Variants in MSRA observed in about 807,000 individuals in gnomAD.
MSRA encodes mitochondrial peptide methionine sulfoxide reductase.
MSRA carries 54 observed loss-of-function variants against 31.3 expected under a neutral mutation model. The ratio of observed to expected loss-of-function variants is 1.73; its 90% CI spans 1.39 to 2.17. The LOEUF is 2.17. Ranked by LOEUF, MSRA falls within the 30% of genes most tolerant of loss-of-function variation. MSRA has a pLI of 0.00. For missense variants in MSRA, 507 were observed against 300.9 expected (o/e 1.69, Z -5.07); for synonymous variants, 169 against 116.5 (o/e 1.45, Z -2.90).
chr8:10,171,292 C>T (rs563006667), intron 1 of MSRA, among the ~76,000 whole-genome samples: 2 of 151,960 alleles, frequency 1.3e-5, no homozygotes, highest in East Asian at 3.9e-4. Context: ...TGTTCTTATT[C>T]CTGTACACTC....
At chr8:10,148,656 A>C (rs992919270) in intron 1 of MSRA, among the ~76,000 whole-genome samples, 7 of 151,828 alleles carry the variant, frequency 4.6e-5, no homozygotes, top group Non-Finnish European at 8.8e-5. Flanking sequence ...TAAAAAAAAA[A>C]AAACGGGAAT....
intron 1 of MSRA, among the ~76,000 whole-genome samples, chr8:10,191,729 C>G (rs1183705663): frequency 6.6e-6 from 1 of 151,362 alleles, no homozygotes; most frequent in Non-Finnish European, 1.5e-5. Context: ...ATATATTGTT[C>G]CTGTGGAAAT....
At chr8:10,133,017 C>T (rs1802010109) in intron 1 of MSRA, among the ~76,000 whole-genome samples, 1 of 152,150 alleles carries the variant, frequency 6.6e-6, no homozygotes, top group African/African-American at 2.4e-5. Context: ...GGAGCTGAGT[C>T]ATACAAGAGT....
At chr8:10,380,907 A>T (rs1297422837) in intron 5 of MSRA, among the ~76,000 whole-genome samples, 1 of 128,210 alleles carries the variant, frequency 7.8e-6, no homozygotes, top group Admixed American at 8.2e-5. Context: ...GGAAGGCTGG[A>T]GGGAGGGGGA....
rs564821735 is a variant in MSRA, at chr8:10,322,006, A to G, written c.543+2017A>G. Among the ~76,000 whole-genome samples the G allele has an allele frequency of 2.0e-3, 300 of 152,304 alleles. 2 individuals are homozygous for G. The highest frequency in any genetic ancestry group is 3.5e-3 in the Admixed American group (54 of 15,300). ...TTTCCATTCTAAAAACCTTTTACCTATATATTCTTTCTCTTATCCCTTTTT... is the reference window on the plus strand; with the variant it reads ...TTTCCATTCTAAAAACCTTTTACCTGTATATTCTTTCTCTTATCCCTTTTT... On this transcript the variant is annotated intron_variant, in intron 5 of 5. Coordinates refer to ENST00000317173, the MANE Select transcript of MSRA (RefSeq NM_012331.5).
chr8:10,249,720 T>G (rs978489901), intron 3 of MSRA, among the ~76,000 whole-genome samples: 2 of 152,158 alleles, frequency 1.3e-5, no homozygotes, highest in African/African-American at 2.4e-5. Context: ...CATGTTCTGA[T>G]GCATTTCTGA....
chr8:10,365,154 A>G (rs1805085579), intron 5 of MSRA, among the ~76,000 whole-genome samples: 1 of 151,514 alleles, frequency 6.6e-6, no homozygotes, highest in African/African-American at 2.4e-5. Context: ...AAAAAAAAAA[A>G]AAAAAAAAAA....
At chr8:10,270,239 TAATAA>T (rs932684978) in intron 3 of MSRA, among the ~76,000 whole-genome samples, 1 of 152,186 alleles carries the variant, frequency 6.6e-6, no homozygotes, top group African/African-American at 2.4e-5. Flanking sequence ...CTGTTACAAA[TAATAA>T]AATAAAGTTC....
intron 5 of MSRA, among the ~76,000 whole-genome samples, chr8:10,427,297 G>C (rs960788458): frequency 3.3e-5 from 5 of 152,186 alleles, no homozygotes; most frequent in Non-Finnish European, 7.3e-5. Context: ...AATCCAAAGG[G>C]GAGAAGAAGC....
intron 1 of MSRA, among the ~76,000 whole-genome samples, chr8:10,116,347 C>T (rs555405201): frequency 3.9e-5 from 6 of 152,162 alleles, no homozygotes; most frequent in Admixed American, 6.5e-5. Context: ...CAGAGAAGCC[C>T]AAAGATTGGA....
chr8:10,339,565 G>A (rs1803285137), intron 5 of MSRA, among the ~76,000 whole-genome samples: 1 of 113,592 alleles, frequency 8.8e-6, no homozygotes, highest in Admixed American at 1.3e-4. Context: ...TTTCTGAGAC[G>A]GAATCTCGTT....
chr8:10,358,544 G>C (rs1230106518), intron 5 of MSRA, among the ~76,000 whole-genome samples: 3 of 128,266 alleles, frequency 2.3e-5, no homozygotes, highest in Non-Finnish European at 4.7e-5. Context: ...CCTCCTGTCA[G>C]ATCAGCGGCA....
chr8:10,248,568 C>G (rs1028671013), intron 3 of MSRA, among the ~76,000 whole-genome samples: 2 of 152,096 alleles, frequency 1.3e-5, no homozygotes, highest in Non-Finnish European at 2.9e-5. Context: ...GAGAAGTGAG[C>G]GAGAGAGTGT....
At chr8:10,300,288 C>G (rs528379700) in intron 3 of MSRA, among the ~76,000 whole-genome samples, 1 of 152,000 alleles carries the variant, frequency 6.6e-6, no homozygotes, top group Non-Finnish European at 1.5e-5. Context: ...TGGAGTCTCA[C>G]CCTGTTGCCA....
rs551824940 is a variant in MSRA, at chr8:10,279,935, T to C, written c.332-21599T>C. ...TCTGTTTCTTGGATATTCTGTTGAATTTACCTCTAAAGACAACTAGGCCTG... is the reference window on the plus strand; with the variant it reads ...TCTGTTTCTTGGATATTCTGTTGAACTTACCTCTAAAGACAACTAGGCCTG... On this transcript the variant is annotated intron_variant, in intron 3 of 5. Transcript: ENST00000317173. Among the ~76,000 whole-genome samples, 18 of 152,344 alleles carry C rather than the reference T, an allele frequency of 1.2e-4. No homozygotes were observed. In the South Asian group the frequency reaches 2.5e-3, roughly 21 times the overall value.
chr8:10,260,227 A>G (rs967484024), intron 3 of MSRA, among the ~76,000 whole-genome samples: 10 of 152,240 alleles, frequency 6.6e-5, no homozygotes, highest in Non-Finnish European at 1.3e-4. Context: ...TTGCAGCAGA[A>G]TAAAAAAAGC....
At chr8:10,416,620 G>A (rs6997671) in intron 5 of MSRA, among the ~76,000 whole-genome samples, 25,521 of 152,206 alleles carry the variant, frequency 0.17, 3,776 homozygotes, top group East Asian at 0.46. Flanking sequence ...GGCCAAAGCA[G>A]GTCCCGTGGG....
intron 1 of MSRA, among the ~76,000 whole-genome samples, chr8:10,188,413 G>A (rs754917590): frequency 5.3e-5 from 8 of 152,206 alleles, no homozygotes; most frequent in Non-Finnish European, 1.2e-4. Flanking sequence ...TCGTTAGGAT[G>A]TCAAAATAGC....
chr8:10,253,719 A>G (rs1471739127), intron 3 of MSRA, among the ~76,000 whole-genome samples: 1 of 148,868 alleles, frequency 6.7e-6, no homozygotes, highest in African/African-American at 2.4e-5. Flanking sequence ...TAATGGAGCC[A>G]TAATGTAATA....
Sources: allele counts gnomAD v4.1 joint callset (sites outside exome capture counted in the v4.1 genomes callset), GRCh38; gene constraint gnomAD v4.1.1; transcripts MANE v1.5; gene names NCBI Gene and HGNC (gene_info 2026-07-23, HGNC 2026-07-21).